NT5E: variants seen among roughly 807,000 people sequenced by gnomAD.
NT5E encodes the protein 5'-nucleotidase.
NT5E carries 53 observed loss-of-function variants against 55.1 expected under a neutral mutation model. That is an observed-to-expected ratio of 0.96 (90% CI 0.77 to 1.21). NT5E has a LOEUF of 1.21. Ranked by LOEUF, NT5E falls within the 50% of genes most tolerant of loss-of-function variation. The pLI, the probability that NT5E is intolerant of heterozygous loss-of-function variation, is 0.00. For missense variants in NT5E, 683 were observed against 724.3 expected (o/e 0.94, Z 0.65); for synonymous variants, 270 against 278.4 (o/e 0.97, Z 0.30).
chr6:85,450,513 C>T lies in NT5E; in HGVS notation c.339+35C>T, dbSNP rs769638308. 1.3e-6 allele frequency: 2 copies of T among 1,544,950 alleles called. No homozygotes were observed. The highest frequency in any genetic ancestry group is 1.4e-5 in the African/African-American group (1 of 73,844). ...GAGCCCGCGCCCGGGATAGTAGTCC[C>T]GGACTGAGAGAGGAGCCGGGCTGGA... On this transcript the variant is annotated intron_variant, in intron 1 of 8. Coordinates refer to ENST00000257770, the MANE Select transcript of NT5E (RefSeq NM_002526.4). The surrounding 1 kb of genome is among the most constrained non-coding windows in gnomAD (Gnocchi z 4.0).
At chr6:85,492,722 T>C (rs1769812082) in intron 8 of NT5E, among the ~76,000 whole-genome samples, 1 of 152,212 alleles carries the variant, frequency 6.6e-6, no homozygotes, top group Non-Finnish European at 1.5e-5. Flanking sequence ...TTAGAAATTC[T>C]GTTGAGAGTC....
chr6:85,491,415 T>C (rs915276500), intron 7 of NT5E: 3 of 320,222 alleles, frequency 9.4e-6, no homozygotes, highest in Admixed American at 4.6e-5. Context: ...GCAGAACACA[T>C]TGCTGTTGAG....
intron 3 of NT5E, among the ~76,000 whole-genome samples, chr6:85,478,106 C>T (rs1299765406): frequency 6.6e-6 from 1 of 152,062 alleles, no homozygotes; most frequent in Non-Finnish European, 1.5e-5. Context: ...TACTGGTGGT[C>T]ACCCACTTGG....
At chr6:85,488,271 C>A (rs1769706681) in intron 5 of NT5E, among the ~76,000 whole-genome samples, 1 of 152,190 alleles carries the variant, frequency 6.6e-6, no homozygotes, top group African/African-American at 2.4e-5. Flanking sequence ...GGGCTCACAG[C>A]CTGCACCCAG....
At chr6:85,469,354 T>C (rs992388279) in intron 2 of NT5E, among the ~76,000 whole-genome samples, 1 of 152,170 alleles carries the variant, frequency 6.6e-6, no homozygotes, top group African/African-American at 2.4e-5. Context: ...CATTTAGTCA[T>C]TCCCCTGGGT....
At chr6:85,460,700 T>A (rs1328465320) in intron 1 of NT5E, among the ~76,000 whole-genome samples, 1 of 152,172 alleles carries the variant, frequency 6.6e-6, no homozygotes, top group African/African-American at 2.4e-5. Context: ...CATTTACTCT[T>A]TTCACCTGTA....
intron 1 of NT5E, among the ~76,000 whole-genome samples, chr6:85,462,246 T>A (rs1769112355): frequency 6.6e-6 from 1 of 152,242 alleles, no homozygotes; most frequent in East Asian, 1.9e-4. Flanking sequence ...GCTGCCAGAC[T>A]GAGCTTTCCA....
intron 3 of NT5E, among the ~76,000 whole-genome samples, chr6:85,478,486 C>G (rs930491761): frequency 9.2e-5 from 14 of 152,124 alleles, no homozygotes; most frequent in Non-Finnish European, 1.5e-4. Flanking sequence ...CCAGCTTTCA[C>G]TGGGAAGTGG....
At chr6:85,474,606 C>T (rs1446126574) in intron 3 of NT5E, among the ~76,000 whole-genome samples, 4 of 152,198 alleles carry the variant, frequency 2.6e-5, no homozygotes, top group Non-Finnish European at 5.9e-5. Flanking sequence ...CTTCACTTTT[C>T]ATACTCATCG....
chr6:85,490,799 T>C, intron 7 of NT5E, 142 bp downstream of exon 7: 2 of 876,310 alleles, frequency 2.3e-6, no homozygotes, highest in Admixed American at 2.0e-5. Flanking sequence ...CCTTACCCTT[T>C]AATGGCTGTG....
In NT5E at chr6:85,461,933, AAGGGCGCTT is replaced by A. The variant is rs1309106546; in HGVS notation, c.340-5124_340-5116del. ...CCTGCCAGGCCAACCACCAGCAGAG[AAGGGCGCTT>A]AGCTCCAGTGACGCTGTGAGTGAGG... On this transcript the variant is annotated intron_variant, in intron 1 of 8. Transcript: ENST00000257770. 2.0e-5 allele frequency among the ~76,000 whole-genome samples: 3 copies of A among 152,136 alleles called. No individual in the cohort carries two copies. The East Asian group carries it at 5.8e-4, about 29-fold the overall frequency.
rs1769843501 is a variant in NT5E at position 85,494,123 on chromosome 6, T to C, written c.*119T>C. 1.1e-6 allele frequency: 1 copy of C among 939,458 alleles called. No individual in the cohort carries two copies. Among genetic ancestry groups the C allele is most frequent in the Non-Finnish European group, 1.7e-6 (1 of 597,776 alleles). The allele number at this position is 939,458 out of a possible 1,614,324, so 58.2% of individuals were successfully genotyped here. ...ACCATCTTTACAGGCTCCTAGAAGCTGAAGGTTAGAGCATTATAAAATGAA... is the reference window on the plus strand; with the variant it reads ...ACCATCTTTACAGGCTCCTAGAAGCCGAAGGTTAGAGCATTATAAAATGAA... On this transcript the variant is annotated 3_prime_UTR_variant, in exon 9 of 9. Coordinates refer to ENST00000257770, the MANE Select transcript of NT5E (RefSeq NM_002526.4).
At chr6:85,456,447 G>A (rs142017002) in intron 1 of NT5E, among the ~76,000 whole-genome samples, 2 of 152,326 alleles carry the variant, frequency 1.3e-5, no homozygotes, top group African/African-American at 4.8e-5. Context: ...TGTCTGAAGT[G>A]GGGGCAGTCT....
intron 1 of NT5E, among the ~76,000 whole-genome samples, chr6:85,456,304 A>G (rs1161714836): frequency 2.6e-5 from 4 of 152,188 alleles, no homozygotes; most frequent in African/African-American, 7.2e-5. Context: ...ATGCTTTATA[A>G]TAAGCCAGTA....
intron 1 of NT5E, among the ~76,000 whole-genome samples, chr6:85,466,741 A>G (rs1769202128): frequency 6.6e-6 from 1 of 152,176 alleles, no homozygotes; most frequent in Admixed American, 6.5e-5. Flanking sequence ...GAAAAACAAC[A>G]TGGAAAAATT....
intron 7 of NT5E, chr6:85,491,095 C>T: frequency 1.9e-6 from 1 of 530,382 alleles, no homozygotes; most frequent in South Asian, 1.4e-5. Context: ...GAGCAGCCTA[C>T]TGCACAGACA....
At chr6:85,463,310 G>A (rs2127755612) in intron 1 of NT5E, among the ~76,000 whole-genome samples, 1 of 152,270 alleles carries the variant, frequency 6.6e-6, no homozygotes, top group South Asian at 2.1e-4. Flanking sequence ...TGAAGGAATA[G>A]GGTTCGTGAA....
At chr6:85,472,991 G>T (rs924514768) in intron 3 of NT5E, among the ~76,000 whole-genome samples, 5 of 152,150 alleles carry the variant, frequency 3.3e-5, no homozygotes, top group Non-Finnish European at 7.4e-5. Flanking sequence ...CATGGGAAAA[G>T]ATGTATATAA....
At chr6:85,460,690 C>T (rs1769081900) in intron 1 of NT5E, among the ~76,000 whole-genome samples, 1 of 152,130 alleles carries the variant, frequency 6.6e-6, no homozygotes, top group Non-Finnish European at 1.5e-5. Context: ...GCCACTTCTC[C>T]ATTTACTCTT....
Sources: allele counts gnomAD v4.1 joint callset (sites outside exome capture counted in the v4.1 genomes callset), GRCh38; gene constraint gnomAD v4.1.1; non-coding constraint Gnocchi (gnomAD v3.1); transcripts MANE v1.5; gene names NCBI Gene and HGNC (gene_info 2026-07-23, HGNC 2026-07-21).